The following SAMD5 variants were observed in gnomAD, a reference collection of about 807,000 sequenced individuals.
SAMD5 encodes the protein sterile alpha motif domain-containing protein 5.
In SAMD5, 13 loss-of-function variants were observed where a neutral mutation model predicts 11.3. That is an observed-to-expected ratio of 1.15 (90% CI 0.75 to 1.83). The LOEUF (loss-of-function observed/expected upper bound fraction) is 1.83. Among genes scored for constraint, SAMD5 ranks in the 40% most tolerant of loss-of-function variants. The pLI is 0.00. For synonymous variants in SAMD5, 129 were observed against 111.3 expected (o/e 1.16, Z -1.00); for missense variants, 255 against 239.1 (o/e 1.07, Z -0.44).
At chr6:147,767,048 G>T in the SAMD5 span, among the ~76,000 whole-genome samples, 27 of 152,202 alleles carry the variant, frequency 1.8e-4, no homozygotes, top group Admixed American at 1.3e-4. Flanking sequence ...TCAGTAAACA[G>T]TATTTCATTG....
the SAMD5 span, among the ~76,000 whole-genome samples, chr6:147,842,685 G>A: frequency 1.3e-5 from 2 of 152,090 alleles, no homozygotes; most frequent in African/African-American, 4.8e-5. Flanking sequence ...GATTGTAAAT[G>A]TAGGCAAATA....
At chr6:147,668,818 A>G (rs534489788) in intron 1 of SAMD5, among the ~76,000 whole-genome samples, 1 of 149,280 alleles carries the variant, frequency 6.7e-6, no homozygotes, top group Non-Finnish European at 1.5e-5. Context: ...ATGGAGCAAG[A>G]CTGTCTCAAA....
At chr6:147,661,040 G>C (rs1468651516) in intron 1 of SAMD5, among the ~76,000 whole-genome samples, 4 of 152,110 alleles carry the variant, frequency 2.6e-5, no homozygotes, top group Non-Finnish European at 5.9e-5. Flanking sequence ...TAAACTGTGG[G>C]ATCAGGAGTA....
the SAMD5 span, among the ~76,000 whole-genome samples, chr6:147,775,851 C>T: frequency 3.3e-5 from 5 of 152,216 alleles, no homozygotes; most frequent in Non-Finnish European, 7.3e-5. Flanking sequence ...TAACCTCTCT[C>T]AGCCTTGGTT....
At chr6:147,856,826 G>A in the SAMD5 span, among the ~76,000 whole-genome samples, 13 of 116,806 alleles carry the variant, frequency 1.1e-4, no homozygotes, top group Admixed American at 1.9e-4. Context: ...GGGCGCGGGG[G>A]GGGGGGGAAG....
At chr6:147,654,779 C>CA (rs5880724) in intron 1 of SAMD5, among the ~76,000 whole-genome samples, 6,865 of 147,342 alleles carry the variant, frequency 0.047, 394 homozygotes, top group African/African-American at 0.13. Context: ...ATCTTTTTCT[C>CA]AAAAAAAAAA....
intron 1 of SAMD5, among the ~76,000 whole-genome samples, chr6:147,622,569 T>A (rs1181157609): frequency 1.3e-5 from 2 of 152,120 alleles, no homozygotes; most frequent in African/African-American, 2.4e-5. Context: ...AAGCTGGGGC[T>A]CAGGAAGGGA....
the SAMD5 span, among the ~76,000 whole-genome samples, chr6:147,896,261 A>T: frequency 6.6e-6 from 1 of 152,052 alleles, no homozygotes; most frequent in Non-Finnish European, 1.5e-5. Flanking sequence ...CAGGGATAAG[A>T]CGGCCAAGGT....
At chr6:147,896,720 T>C in the SAMD5 span, among the ~76,000 whole-genome samples, 1 of 100,192 alleles carries the variant, frequency 1.0e-5, no homozygotes, top group Non-Finnish European at 2.1e-5. Context: ...TCACTGAATA[T>C]TAGAAAAGAA....
chr6:147,876,074 G>A, the SAMD5 span, among the ~76,000 whole-genome samples: 2 of 152,186 alleles, frequency 1.3e-5, no homozygotes, highest in Non-Finnish European at 2.9e-5. Flanking sequence ...CACTGGAGGA[G>A]GAAGCGGGTC....
chr6:147,875,608 G>T, the SAMD5 span, among the ~76,000 whole-genome samples: 3 of 152,146 alleles, frequency 2.0e-5, no homozygotes, highest in South Asian at 6.2e-4. Flanking sequence ...GAGGTGAGTG[G>T]TGGGCAAGCC....
intron 1 of SAMD5, among the ~76,000 whole-genome samples, chr6:147,672,730 T>C (rs1045114264): frequency 1.3e-5 from 2 of 152,190 alleles, no homozygotes; most frequent in East Asian, 3.8e-4. Context: ...TTCATATTTC[T>C]AAATGTTCTG....
At chr6:147,589,886 T>C (rs1159889607) in intron 1 of SAMD5, among the ~76,000 whole-genome samples, 1 of 152,192 alleles carries the variant, frequency 6.6e-6, no homozygotes, top group Non-Finnish European at 1.5e-5. Context: ...CTCTGGTTTC[T>C]ATCCCTGCCT....
At chr6:147,953,753 T>C in the SAMD5 span, 2 of 152,222 alleles carry the variant, frequency 1.3e-5, no homozygotes, top group Non-Finnish European at 2.9e-5. Flanking sequence ...TTTTCAAATA[T>C]GGGTCATAAC....
intron 1 of SAMD5, among the ~76,000 whole-genome samples, chr6:147,671,715 G>T (rs901935107): frequency 6.6e-6 from 1 of 151,892 alleles, no homozygotes; most frequent in East Asian, 1.9e-4. Context: ...AAAAATTTTG[G>T]ATCTTTTTAT....
intron 1 of SAMD5, among the ~76,000 whole-genome samples, chr6:147,535,178 G>A (rs763961450): frequency 1.6e-4 from 25 of 152,226 alleles, no homozygotes; most frequent in Admixed American, 4.6e-4. Flanking sequence ...TACAGGGGAC[G>A]TAGTGGGAAT....
At chr6:147,856,989 A>G in the SAMD5 span, among the ~76,000 whole-genome samples, 1 of 151,792 alleles carries the variant, frequency 6.6e-6, no homozygotes, top group African/African-American at 2.4e-5. Context: ...TGCAGGGTGA[A>G]GAGAAGTAGC....
the SAMD5 span, among the ~76,000 whole-genome samples, chr6:147,788,977 G>C: frequency 6.6e-6 from 1 of 151,764 alleles, no homozygotes; most frequent in Non-Finnish European, 1.5e-5. Flanking sequence ...CCAGCTACTC[G>C]GGAGGCTGAT....
At chr6:147,765,893 T>TA in the SAMD5 span, among the ~76,000 whole-genome samples, 16 of 151,928 alleles carry the variant, frequency 1.1e-4, no homozygotes, top group Non-Finnish European at 2.4e-4. Flanking sequence ...ATGTTAAGAA[T>TA]AAAAAATCAA....
Sources: allele counts gnomAD v4.1 joint callset (sites outside exome capture counted in the v4.1 genomes callset), GRCh38; gene constraint gnomAD v4.1.1; transcripts MANE v1.5; gene names NCBI Gene and HGNC (gene_info 2026-07-23, HGNC 2026-07-21).